Variants in TACR3 observed in about 807,000 individuals in gnomAD.
TACR3 encodes the protein neuromedin-K receptor.
TACR3 carries 34 observed loss-of-function variants against 35.0 expected under a neutral mutation model. The observed-to-expected ratio is 0.97, with a 90% confidence interval of 0.74 to 1.30. The LOEUF (loss-of-function observed/expected upper bound fraction) is 1.30, where lower values mean the gene tolerates loss of function less well. Among genes scored for constraint, TACR3 ranks in the 50% most tolerant of loss-of-function variants. The pLI, the probability that TACR3 is intolerant of heterozygous loss-of-function variation, is 0.00. For synonymous variants in TACR3, 233 were observed against 221.1 expected, an observed-to-expected ratio of 1.05 and a Z score of -0.48; for missense variants, 558 against 591.7, an observed-to-expected ratio of 0.94 and a Z score of 0.59.
chr4:103,614,884 G>GTTTGTTT (rs1724601485), intron 3 of TACR3, among the ~76,000 whole-genome samples: 4 of 72,006 alleles, frequency 5.6e-5, no homozygotes, highest in African/African-American at 2.4e-4. Flanking sequence ...TTATGAATGT[G>GTTTGTTT]TTTTTTTTTT....
intron 1 of TACR3, among the ~76,000 whole-genome samples, chr4:103,693,285 G>A (rs1722444659): frequency 1.3e-5 from 2 of 152,096 alleles, no homozygotes; most frequent in African/African-American, 2.4e-5. Context: ...TTTTGAAACT[G>A]TATTGTTAAA....
intron 1 of TACR3, among the ~76,000 whole-genome samples, chr4:103,682,492 C>T (rs1722122258): frequency 6.6e-6 from 1 of 152,056 alleles, no homozygotes; most frequent in Admixed American, 6.6e-5. Flanking sequence ...CTTGTGAGAA[C>T]TCACTCACTA....
At chr4:103,683,937 G>T (rs115753796) in intron 1 of TACR3, among the ~76,000 whole-genome samples, 1 of 151,584 alleles carries the variant, frequency 6.6e-6, no homozygotes, top group African/African-American at 2.4e-5. Context: ...ATTTGAGACC[G>T]GTTTTAATAT....
chr4:103,681,142 T>A (rs1722077696), intron 1 of TACR3, among the ~76,000 whole-genome samples: 1 of 152,028 alleles, frequency 6.6e-6, no homozygotes, highest in Non-Finnish European at 1.5e-5. Context: ...TTTAAAAAAA[T>A]ATTTACCAAA....
intron 3 of TACR3, among the ~76,000 whole-genome samples, chr4:103,640,969 AT>A (rs1435605202): frequency 6.6e-6 from 1 of 152,114 alleles, no homozygotes; most frequent in Admixed American, 6.6e-5. Flanking sequence ...ACCCAAAAAA[AT>A]AATTATTCAG....
intron 1 of TACR3, among the ~76,000 whole-genome samples, chr4:103,698,082 A>G (rs556145553): frequency 6.6e-6 from 1 of 152,348 alleles, no homozygotes; most frequent in African/African-American, 2.4e-5. Context: ...TAGATTATGT[A>G]AACCTTTGTG....
rs199774044 is a variant in TACR3 at position 103,589,438 on chromosome 4, G to A, written c.*244C>T. ...TTTTCCTGACATATTTTTGTTCATT[G>A]CATATAATAATTTAGAGTTTTCAAA... On this transcript the variant is annotated 3_prime_UTR_variant, in exon 5 of 5. Transcript: ENST00000304883. 9 of 477,648 alleles carry A rather than the reference G, an allele frequency of 1.9e-5. No individual in the cohort carries two copies. The highest frequency in any genetic ancestry group is 5.9e-4 in the Middle Eastern group (1 of 1,694). The allele number at this position is 477,648 out of a possible 1,614,324, so 29.6% of individuals were successfully genotyped here. A position where few individuals can be genotyped will look rare whatever the true frequency, so the allele number is the denominator to read the frequency against.
chr4:103,648,109 A>G (rs1311779108), intron 3 of TACR3, among the ~76,000 whole-genome samples: 5 of 151,868 alleles, frequency 3.3e-5, no homozygotes, highest in Non-Finnish European at 7.4e-5. Context: ...TTCAGCTCTT[A>G]TATATTCTTG....
chr4:103,677,029 C>G (rs939337613), intron 1 of TACR3, among the ~76,000 whole-genome samples: 2 of 151,922 alleles, frequency 1.3e-5, no homozygotes, highest in African/African-American at 4.8e-5. Context: ...AATAAGCAAC[C>G]CCATTAAAAA....
At chr4:103,614,777 A>C (rs1225211733) in intron 3 of TACR3, among the ~76,000 whole-genome samples, 3 of 151,370 alleles carry the variant, frequency 2.0e-5, no homozygotes, top group African/African-American at 7.3e-5. Flanking sequence ...TTCATTCAAT[A>C]TTCAATATTC....
rs961177379 is a variant in TACR3 at position 103,606,565 on chromosome 4, G to A, written c.889-14882C>T. On this transcript the variant is annotated intron_variant, in intron 3 of 4. Transcript: ENST00000304883. ...TATCCCTTGTAAGTTGGATTCCTAG[G>A]TATTTTATTTTCTTTGAAGCAATTG... 3.9e-5 allele frequency among the ~76,000 whole-genome samples: 6 copies of A among 152,068 alleles called. No homozygotes were observed. The East Asian group carries it at 5.8e-4, about 15-fold the overall frequency.
intron 1 of TACR3, among the ~76,000 whole-genome samples, chr4:103,663,802 G>T (rs1725882133): frequency 6.6e-6 from 1 of 152,202 alleles, no homozygotes; most frequent in Non-Finnish European, 1.5e-5. Context: ...ACAATAATTT[G>T]CGTGGAGAGG....
chr4:103,645,268 A>T (rs1289227712), intron 3 of TACR3, among the ~76,000 whole-genome samples: 1 of 151,994 alleles, frequency 6.6e-6, no homozygotes, highest in Non-Finnish European at 1.5e-5. Context: ...AGTTCAGATT[A>T]ATAGTATAAA....
chr4:103,657,241 T>C (rs1725750932), intron 2 of TACR3, among the ~76,000 whole-genome samples: 1 of 152,096 alleles, frequency 6.6e-6, no homozygotes, highest in Admixed American at 6.6e-5. Flanking sequence ...TGTTTTGTTT[T>C]TTGTAAAGTG....
chr4:103,615,515 G>C lies in TACR3; in HGVS notation c.889-23832C>G, dbSNP rs569265030. ...AAATAGCAAGCCTAATTGTTGGATAGTTATAATGGCTTTACTACTTCTCCA... is the reference window on the plus strand; with the variant it reads ...AAATAGCAAGCCTAATTGTTGGATACTTATAATGGCTTTACTACTTCTCCA... On this transcript the variant is annotated intron_variant, in intron 3 of 4. Transcript: ENST00000304883. 9.9e-5 allele frequency among the ~76,000 whole-genome samples: 15 copies of C among 151,732 alleles called. No individual in the cohort carries two copies. The East Asian group carries it at 2.9e-3, about 30-fold the overall frequency.
chr4:103,678,502 C>G (rs1726222087), intron 1 of TACR3, among the ~76,000 whole-genome samples: 1 of 152,052 alleles, frequency 6.6e-6, no homozygotes, highest in Admixed American at 6.6e-5. Flanking sequence ...ATTGTATTTT[C>G]ATCTTATTAA....
At chr4:103,718,013 G>A (rs1424437565) in intron 1 of TACR3, among the ~76,000 whole-genome samples, 1 of 152,110 alleles carries the variant, frequency 6.6e-6, no homozygotes, top group Non-Finnish European at 1.5e-5. Flanking sequence ...CCTGGCACAT[G>A]AAAATATTTT....
intron 3 of TACR3, among the ~76,000 whole-genome samples, chr4:103,637,345 T>G (rs1311412491): frequency 6.6e-6 from 1 of 152,150 alleles, no homozygotes; most frequent in East Asian, 1.9e-4. Flanking sequence ...AACCACGTGA[T>G]TATCTCAATA....
chr4:103,660,358 T>C (rs1035954659), intron 1 of TACR3, among the ~76,000 whole-genome samples: 1 of 152,082 alleles, frequency 6.6e-6, no homozygotes, highest in Admixed American at 6.6e-5. Flanking sequence ...GTGAAACTTA[T>C]GAAAGCATAG....
Sources: gnomAD v4.1 joint callset for allele counts (sites outside exome capture counted in the v4.1 genomes callset) on GRCh38, gnomAD v4.1.1 for gene constraint, MANE v1.5 for transcripts, NCBI Gene and HGNC (gene_info 2026-07-23, HGNC 2026-07-21) for gene names.